The following PHKB variants were observed in gnomAD, a reference collection of about 807,000 sequenced individuals.
PHKB encodes the protein phosphorylase kinase regulatory subunit beta.
In PHKB, 122 loss-of-function variants were observed where a neutral mutation model predicts 152.1. That is an observed-to-expected ratio of 0.80 (90% CI 0.69 to 0.93). PHKB has a LOEUF of 0.93. Among genes scored for constraint, PHKB ranks in the 40% least tolerant of loss-of-function variants. PHKB has a pLI of 0.00. For missense variants in PHKB, 1,304 were observed against 1,328.4 expected (o/e 0.98, Z 0.29); for synonymous variants, 436 against 464.9 (o/e 0.94, Z 0.80).
At chr16:47,682,984 A>T (rs1009463006) in intron 26 of PHKB, among the ~76,000 whole-genome samples, 42 of 152,188 alleles carry the variant, frequency 2.8e-4, no homozygotes, top group Non-Finnish European at 2.8e-4. Flanking sequence ...CTTCTAACAG[A>T]CAGGACCCTC....
At chr16:47,475,174 A>G (rs889397703) in intron 1 of PHKB, among the ~76,000 whole-genome samples, 8 of 152,274 alleles carry the variant, frequency 5.3e-5, no homozygotes, top group African/African-American at 1.9e-4. Context: ...ATGAATTTCC[A>G]TCTTTGTAGC....
intron 6 of PHKB, among the ~76,000 whole-genome samples, chr16:47,521,799 C>G (rs1345706407): frequency 6.6e-6 from 1 of 151,844 alleles, no homozygotes; most frequent in East Asian, 1.9e-4. Flanking sequence ...AATATTTTTT[C>G]TATATCTGTT....
At chr16:47,543,638 T>G (rs943645763) in intron 6 of PHKB, among the ~76,000 whole-genome samples, 7 of 152,178 alleles carry the variant, frequency 4.6e-5, no homozygotes, top group South Asian at 2.1e-4. Flanking sequence ...CCTGGACTTT[T>G]TTTGGTTGGT....
rs966697046 is a variant in PHKB at position 47,537,466 on chromosome 16, G to A, written c.595-9967G>A. ...ACTGGGCCCCTTCTGATTGGCTGCT[G>A]TGAATCTCCTGCTTTTGTTTGTTCG... On this transcript the variant is annotated intron_variant, in intron 6 of 30. Coordinates refer to ENST00000323584, the MANE Select transcript of PHKB (RefSeq NM_000293.3). Among the ~76,000 whole-genome samples, 24 of 152,198 alleles carry A rather than the reference G, an allele frequency of 1.6e-4. 1 individual carries two copies. Among genetic ancestry groups the A allele is most frequent in the Admixed American group, 5.9e-4 (9 of 15,280 alleles).
chr16:47,521,601 G>A (rs776731703), intron 6 of PHKB, among the ~76,000 whole-genome samples: 1 of 151,870 alleles, frequency 6.6e-6, no homozygotes, highest in African/African-American at 2.4e-5. Flanking sequence ...GTTGTGGTAA[G>A]CTGAGATTGT....
At chr16:47,594,923 A>G (rs924074394) in intron 12 of PHKB, among the ~76,000 whole-genome samples, 1 of 152,134 alleles carries the variant, frequency 6.6e-6, no homozygotes, top group African/African-American at 2.4e-5. Context: ...GAAATTTGTG[A>G]TATTCTTTGG....
At chr16:47,624,220 C>G (rs1332060154) in intron 14 of PHKB, among the ~76,000 whole-genome samples, 4 of 152,026 alleles carry the variant, frequency 2.6e-5, no homozygotes, top group Non-Finnish European at 5.9e-5. Context: ...GTTTATAGAA[C>G]CAACTGGTTT....
At chr16:47,640,089 G>C (rs1293481672) in intron 14 of PHKB, among the ~76,000 whole-genome samples, 1 of 152,120 alleles carries the variant, frequency 6.6e-6, no homozygotes, top group Non-Finnish European at 1.5e-5. Flanking sequence ...GATGATTCTG[G>C]GAACCATCCC....
intron 13 of PHKB, among the ~76,000 whole-genome samples, chr16:47,610,036 A>T (rs907376323): frequency 1.3e-5 from 2 of 151,658 alleles, no homozygotes; most frequent in Non-Finnish European, 2.9e-5. Flanking sequence ...TCTGTTGCCC[A>T]GGCTGGAGTA....
intron 7 of PHKB, among the ~76,000 whole-genome samples, chr16:47,556,917 C>T (rs1490065161): frequency 5.9e-5 from 9 of 152,078 alleles, no homozygotes; most frequent in African/African-American, 2.2e-4. Flanking sequence ...TTTTGGTTGG[C>T]AAGCTATTGA....
intron 7 of PHKB, among the ~76,000 whole-genome samples, chr16:47,574,452 T>C (rs1971716868): frequency 6.6e-6 from 1 of 152,228 alleles, no homozygotes; most frequent in Non-Finnish European, 1.5e-5. Context: ...TGTTTCTTCT[T>C]GGATAAAAGT....
chr16:47,587,567 G>T, intron 8 of PHKB, 101 bp from the exon 9 acceptor site: 1 of 789,472 alleles, frequency 1.3e-6, no homozygotes, highest in South Asian at 1.5e-5. Context: ...TCAAGATGCA[G>T]ACAATGTCAG....
At chr16:47,650,758 G>A (rs1973222668) in intron 19 of PHKB, 73 bp from the exon 20 acceptor site, 6 of 1,279,968 alleles carry the variant, frequency 4.7e-6, no homozygotes, top group Non-Finnish European at 6.8e-6. Context: ...ATATATAAGG[G>A]GCACTTAGTA....
chr16:47,477,878 A>G (rs960257844), intron 1 of PHKB, among the ~76,000 whole-genome samples: 1 of 152,222 alleles, frequency 6.6e-6, no homozygotes, highest in Non-Finnish European at 1.5e-5. Flanking sequence ...GCATAGGGTG[A>G]GTCAGTGCTA....
chr16:47,503,959 A>C (rs1248585882), intron 4 of PHKB, among the ~76,000 whole-genome samples: 1 of 152,214 alleles, frequency 6.6e-6, no homozygotes, highest in African/African-American at 2.4e-5. Flanking sequence ...TTACTTACCT[A>C]CATCTCTGTG....
intron 6 of PHKB, 76 bp from the exon 7 acceptor site, chr16:47,547,357 A>T: frequency 1.2e-6 from 1 of 861,616 alleles, no homozygotes; most frequent in Non-Finnish European, 2.0e-6. Flanking sequence ...TGCTGGGATT[A>T]CAGGCATGAG....
At chr16:47,566,808 C>T (rs1015634817) in intron 7 of PHKB, 2 of 726,576 alleles carry the variant, frequency 2.8e-6, no homozygotes, top group Non-Finnish European at 5.1e-6. Flanking sequence ...ATAAGTGCTT[C>T]CTCCACCAGT....
intron 13 of PHKB, among the ~76,000 whole-genome samples, chr16:47,603,083 C>T (rs1344976603): frequency 1.3e-5 from 2 of 152,122 alleles, no homozygotes; most frequent in Non-Finnish European, 2.9e-5. Context: ...ACTGAGTAAA[C>T]CTGGAAATCT....
chr16:47,652,894 CG>C (rs1215277111), intron 20 of PHKB, among the ~76,000 whole-genome samples: 2 of 152,142 alleles, frequency 1.3e-5, no homozygotes, highest in African/African-American at 4.8e-5. Context: ...CCTCCTGTCT[CG>C]GCCTCCCGAA....
Sources: allele counts gnomAD v4.1 joint callset (sites outside exome capture counted in the v4.1 genomes callset), GRCh38; gene constraint gnomAD v4.1.1; transcripts MANE v1.5; gene names NCBI Gene and HGNC (gene_info 2026-07-23, HGNC 2026-07-21).